The following AP3M1 variants were observed in gnomAD, a reference collection of about 807,000 sequenced individuals.
AP3M1 encodes AP-3 complex subunit mu-1.
In AP3M1, 29 loss-of-function variants were observed where a neutral mutation model predicts 42.6. The ratio of observed to expected loss-of-function variants is 0.68; its 90% CI spans 0.51 to 0.93. The LOEUF is 0.93. Ranked by LOEUF, AP3M1 falls within the 40% of genes least tolerant of loss-of-function variation. The pLI is 0.00. For missense variants in AP3M1, 416 were observed against 510.2 expected, an observed-to-expected ratio of 0.82 and a Z score of 1.78; for synonymous variants, 178 against 175.3, an observed-to-expected ratio of 1.02 and a Z score of -0.12.
At chr10:74,124,620 CTG>C in intron 7 of AP3M1, 96 bp from the exon 8 acceptor site, 11 of 1,048,124 alleles carry the variant, frequency 1.0e-5, no homozygotes, top group Non-Finnish European at 1.5e-5. Context: ...TCTGTACAAA[CTG>C]AAGTGCAGTC....
intron 7 of AP3M1, among the ~76,000 whole-genome samples, chr10:74,125,598 C>A (rs889360505): frequency 1.3e-5 from 2 of 152,166 alleles, no homozygotes; most frequent in African/African-American, 4.8e-5. Context: ...CTATTGAAAA[C>A]AATCATATTT....
intron 1 of AP3M1, among the ~76,000 whole-genome samples, chr10:74,146,318 C>T (rs1006183041): frequency 7.9e-5 from 12 of 152,148 alleles, no homozygotes; most frequent in Admixed American, 2.0e-4. Flanking sequence ...ATTCTTAGTG[C>T]AATGTAAAGT....
intron 1 of AP3M1, among the ~76,000 whole-genome samples, chr10:74,148,301 G>T (rs1359354889): frequency 6.6e-6 from 1 of 152,138 alleles, no homozygotes; most frequent in Non-Finnish European, 1.5e-5. Flanking sequence ...TGAGAGACTA[G>T]GTCAAAGGGT....
chr10:74,135,066 TCTA>T (rs1840901311), intron 3 of AP3M1, among the ~76,000 whole-genome samples: 1 of 152,218 alleles, frequency 6.6e-6, no homozygotes, highest in Non-Finnish European at 1.5e-5. Context: ...AATTTTGCAG[TCTA>T]CTTATGATTG....
At chr10:74,126,501 G>C (rs1477599507) in intron 6 of AP3M1, 146 bp from the exon 7 acceptor site, 2 of 628,384 alleles carry the variant, frequency 3.2e-6, no homozygotes, top group Non-Finnish European at 5.6e-6. Flanking sequence ...TTGGCTCTCT[G>C]TAGCCACAGT....
intron 8 of AP3M1, 100 bp from the exon 9 acceptor site, chr10:74,124,010 C>T: frequency 9.9e-7 from 1 of 1,011,476 alleles, no homozygotes. Flanking sequence ...AACCAGTGTC[C>T]CTTCCACCAT....
intron 1 of AP3M1, 65 bp downstream of exon 1, chr10:74,150,690 A>G (rs184936697): frequency 1.3e-5 from 2 of 154,060 alleles, no homozygotes; most frequent in African/African-American, 4.8e-5. Flanking sequence ...GGCCCCAGCT[A>G]TTCAGCCTAC....
intron 4 of AP3M1, among the ~76,000 whole-genome samples, 177 bp from the exon 5 acceptor site, chr10:74,130,169 A>G (rs1457965827): frequency 6.6e-6 from 1 of 152,102 alleles, no homozygotes; most frequent in Non-Finnish European, 1.5e-5. Context: ...CCTGGGCTCA[A>G]GTAATCCTCC....
intron 1 of AP3M1, among the ~76,000 whole-genome samples, chr10:74,143,788 T>C (rs1019662284): frequency 2.6e-5 from 4 of 152,202 alleles, no homozygotes; most frequent in Non-Finnish European, 4.4e-5. Flanking sequence ...TTATCTGCCT[T>C]GTAGAGACTA....
intron 3 of AP3M1, among the ~76,000 whole-genome samples, chr10:74,136,022 T>A (rs1840929387): frequency 6.6e-6 from 1 of 152,240 alleles, no homozygotes; most frequent in Non-Finnish European, 1.5e-5. Context: ...AATATTGGTA[T>A]CTGGATGTGC....
intron 1 of AP3M1, among the ~76,000 whole-genome samples, chr10:74,144,135 G>C (rs997797800): frequency 6.6e-6 from 1 of 151,958 alleles, no homozygotes; most frequent in Admixed American, 6.6e-5. Flanking sequence ...CTAATTTTTT[G>C]TATTTTTAGT....
chr10:74,127,660 AAAAC>A (rs1179539601), intron 6 of AP3M1, among the ~76,000 whole-genome samples: 28 of 152,074 alleles, frequency 1.8e-4, no homozygotes, highest in Non-Finnish European at 2.9e-5. Flanking sequence ...ACTCCGTCTC[AAAAC>A]AAACAAACAA....
chr10:74,136,568 C>A, intron 3 of AP3M1, 64 bp downstream of exon 3: 1 of 1,268,638 alleles, frequency 7.9e-7, no homozygotes. Flanking sequence ...AGATCATGAG[C>A]AATAATGAGT....
chr10:74,129,333 A>ATTTTTT, intron 5 of AP3M1, 92 bp from the exon 6 acceptor site: 1 of 1,371,116 alleles, frequency 7.3e-7, no homozygotes, highest in Non-Finnish European at 1.0e-6. Flanking sequence ...CCTGAAGATA[A>ATTTTTT]AGCAGTCATG....
chr10:74,120,632 C>T lies in AP3M1; in HGVS notation c.*3178G>A, dbSNP rs1366318316. 3.9e-5 allele frequency: 6 copies of T among 152,534 alleles called. No homozygotes were observed. Among genetic ancestry groups the T allele is most frequent in the African/African-American group, 1.4e-4 (6 of 41,426 alleles). The allele number at this position is 152,534 out of a possible 1,614,324, so 9.4% of individuals were successfully genotyped here. A position where few individuals can be genotyped will look rare whatever the true frequency, so the allele number is the denominator to read the frequency against. ...TCCCGGGTTCAAGCAATTCTCCTGC[C>T]TCAGCCTCCCATGTAGCTGGGATTA... On this transcript the variant is annotated 3_prime_UTR_variant, in exon 9 of 9. Coordinates refer to ENST00000355264, the MANE Select transcript of AP3M1 (RefSeq NM_012095.6).
At chr10:74,130,637 C>A (rs904613699) in intron 4 of AP3M1, among the ~76,000 whole-genome samples, 2 of 151,846 alleles carry the variant, frequency 1.3e-5, no homozygotes, top group African/African-American at 4.8e-5. Context: ...GAGACAGGGT[C>A]TTGTTATGTT....
chr10:74,150,487 T>C, intron 1 of AP3M1: 1 of 152,572 alleles, frequency 6.6e-6, no homozygotes, highest in Non-Finnish European at 1.5e-5. Context: ...CCGTCTGTAC[T>C]CCAGCTCACT....
At chr10:74,133,484 C>T (rs781392542) in intron 4 of AP3M1, among the ~76,000 whole-genome samples, 8 of 151,766 alleles carry the variant, frequency 5.3e-5, no homozygotes, top group Non-Finnish European at 8.8e-5. Context: ...TCGCTTGAAT[C>T]CAGGAGGTGA....
chr10:74,144,697 C>T (rs12414299), intron 1 of AP3M1, among the ~76,000 whole-genome samples: 2,926 of 148,646 alleles, frequency 0.02, 45 homozygotes, highest in Middle Eastern at 0.028. Context: ...GAGTCTTGCT[C>T]TATTGCCCAG....
Sources: allele counts gnomAD v4.1 joint callset (sites outside exome capture counted in the v4.1 genomes callset), GRCh38; gene constraint gnomAD v4.1.1; transcripts MANE v1.5; gene names NCBI Gene and HGNC (gene_info 2026-07-23, HGNC 2026-07-21).